Variants in NKIRAS1 observed in about 807,000 individuals in gnomAD.
NKIRAS1 encodes the protein NFKB inhibitor interacting Ras like 1.
A neutral mutation model predicts 19.8 loss-of-function variants in NKIRAS1; 16 were observed. The observed-to-expected ratio is 0.81, with a 90% CI of 0.55 to 1.23. The LOEUF is 1.23. Ranked by LOEUF, NKIRAS1 falls within the 50% of genes most tolerant of loss-of-function variation. NKIRAS1 has a pLI of 0.00. For missense variants in NKIRAS1, 184 were observed against 220.0 expected (o/e 0.84, Z 1.04); for synonymous variants, 88 against 79.0 (o/e 1.11, Z -0.61).
At chr3:23,929,520 C>T (rs562843862) in intron 1 of NKIRAS1, among the ~76,000 whole-genome samples, 20 of 152,206 alleles carry the variant, frequency 1.3e-4, no homozygotes, top group African/African-American at 2.2e-4. Flanking sequence ...TCTGCGTCTC[C>T]GGCTCAAGCG....
upstream of NKIRAS1, chr3:23,918,913 C>A: frequency 1.9e-6 from 1 of 521,554 alleles, no homozygotes; most frequent in Non-Finnish European, 3.4e-6. Context: ...AGATAAGGTC[C>A]CCAAACCCTA....
chr3:23,940,167 C>CA (rs1559517464), intron 1 of NKIRAS1, among the ~76,000 whole-genome samples: 436 of 28,648 alleles, frequency 0.015, 23 homozygotes, highest in African/African-American at 0.029. Flanking sequence ...CCCATCTCTA[C>CA]CAAAAAAAAA....
intron 3 of NKIRAS1, among the ~76,000 whole-genome samples, chr3:23,906,032 G>A (rs957294591): frequency 6.6e-6 from 1 of 151,914 alleles, no homozygotes; most frequent in African/African-American, 2.4e-5. Context: ...GATGGCGCAT[G>A]ACCGTAATCC....
chr3:23,935,037 A>G (rs1376044732), intron 1 of NKIRAS1, among the ~76,000 whole-genome samples: 4 of 152,156 alleles, frequency 2.6e-5, no homozygotes, highest in African/African-American at 9.7e-5. Flanking sequence ...AGGTGATCTT[A>G]AAGCTTTCTC....
At chr3:23,930,228 C>T (rs114079175) in intron 1 of NKIRAS1, among the ~76,000 whole-genome samples, 6,294 of 152,098 alleles carry the variant, frequency 0.041, 152 homozygotes, top group Non-Finnish European at 0.055. Flanking sequence ...TGGCTGAGTG[C>T]GTGAGAGGCT....
chr3:23,918,769 G>A (rs1704872018), upstream of NKIRAS1: 1 of 671,070 alleles, frequency 1.5e-6, no homozygotes, highest in South Asian at 2.1e-5. Flanking sequence ...TGTATATACT[G>A]GAAGTACTTG....
chr3:23,894,226 G>C (rs577177451), intron 4 of NKIRAS1, among the ~76,000 whole-genome samples: 1 of 152,168 alleles, frequency 6.6e-6, no homozygotes, highest in African/African-American at 2.4e-5. Context: ...CCCCAAACCA[G>C]ATTTTCAGAT....
At chr3:23,899,986 A>G (rs2125374645) in intron 4 of NKIRAS1, among the ~76,000 whole-genome samples, 1 of 152,004 alleles carries the variant, frequency 6.6e-6, no homozygotes, top group East Asian at 1.9e-4. Context: ...ACACGGTGAA[A>G]CCCTGTTTCT....
chr3:23,913,064 A>AG (rs397961701), intron 1 of NKIRAS1, among the ~76,000 whole-genome samples: 2 of 150,762 alleles, frequency 1.3e-5, no homozygotes, highest in Non-Finnish European at 3.0e-5. Context: ...AAAAAAAAAA[A>AG]GTAATACACT....
intron 1 of NKIRAS1, among the ~76,000 whole-genome samples, chr3:23,939,063 A>G (rs1216365356): frequency 6.6e-6 from 1 of 152,240 alleles, no homozygotes; most frequent in Non-Finnish European, 1.5e-5. Flanking sequence ...TTCATCATAG[A>G]TAACAAAATA....
chr3:23,905,451 A>T (rs1702927210), intron 3 of NKIRAS1, among the ~76,000 whole-genome samples: 1 of 152,220 alleles, frequency 6.6e-6, no homozygotes, highest in Admixed American at 6.5e-5. Flanking sequence ...TTTGACCTAG[A>T]GTTCCATACC....
intron 1 of NKIRAS1, chr3:23,946,284 C>T: frequency 5.1e-6 from 5 of 985,522 alleles, no homozygotes; most frequent in Non-Finnish European, 6.0e-6. Flanking sequence ...CCGCGCAAAC[C>T]AAACGAACCG....
At chr3:23,939,771 CAAAA>C (rs1273862964) in intron 1 of NKIRAS1, among the ~76,000 whole-genome samples, 3 of 151,670 alleles carry the variant, frequency 2.0e-5, no homozygotes, top group South Asian at 4.2e-4. Flanking sequence ...AAACAAAAAA[CAAAA>C]AAGGGAAACT....
At chr3:23,936,502 G>A (rs1322318105) in intron 1 of NKIRAS1, among the ~76,000 whole-genome samples, 1 of 152,096 alleles carries the variant, frequency 6.6e-6, no homozygotes, top group Non-Finnish European at 1.5e-5. Flanking sequence ...TGCCCTTAGA[G>A]TTTCTGATTC....
At chr3:23,936,072 G>A (rs995075867) in intron 1 of NKIRAS1, among the ~76,000 whole-genome samples, 9 of 99,400 alleles carry the variant, frequency 9.1e-5, no homozygotes, top group Non-Finnish European at 1.7e-4. Flanking sequence ...GACAGAAAGG[G>A]ACCCTGTCTC....
At chr3:23,929,498 C>T (rs1705269598) in intron 1 of NKIRAS1, among the ~76,000 whole-genome samples, 1 of 152,202 alleles carries the variant, frequency 6.6e-6, no homozygotes, top group Non-Finnish European at 1.5e-5. Context: ...GTGATCTTAG[C>T]TCACTGCAAC....
Position 23,890,225 on chromosome 3 carries a change from AAGAGT to A in NKIRAS1, c.*2865_*2869del, listed in dbSNP as rs1701353737. On this transcript the variant is annotated 3_prime_UTR_variant, in exon 5 of 5. Coordinates refer to ENST00000425478, the MANE Select transcript of NKIRAS1 (RefSeq NM_020345.4). Reference sequence around the variant, plus strand: ...CTCTACTGAACTCAGCCTAACACATAAGAGTAAAGAAACTCCAATTGAGTGTTGTT... The same window carrying A: ...CTCTACTGAACTCAGCCTAACACATAAAAGAAACTCCAATTGAGTGTTGTT... 6.6e-6 allele frequency among the ~76,000 whole-genome samples: 1 copy of A among 152,182 alleles called. No homozygotes were observed. The highest frequency in any genetic ancestry group is 1.5e-5 in the Non-Finnish European group (1 of 68,030).
In NKIRAS1 at chr3:23,889,972, A is replaced by C. The variant is rs72627061; in HGVS notation, c.*3123T>G. ...TATATTTTCTAGGTAAACCAAATAT[A>C]AATTTATTAAAGATCCTAAGATTCA... On this transcript the variant is annotated 3_prime_UTR_variant, in exon 5 of 5. Coordinates refer to ENST00000425478, the MANE Select transcript of NKIRAS1 (RefSeq NM_020345.4). The C allele has an allele frequency of 3.5e-3, 547 of 155,736 alleles. 15 individuals carry two copies. In the East Asian group the frequency reaches 0.049, roughly 14 times the overall value. 9.6% of individuals were successfully genotyped at this position (155,736 alleles called of 1,614,324 possible).
chr3:23,919,103 G>A (rs1704918956), upstream of NKIRAS1: 1 of 814,966 alleles, frequency 1.2e-6, no homozygotes, highest in Non-Finnish European at 2.1e-6. Context: ...ACTCTTGTCT[G>A]GTGGTGAACT....
Sources: gnomAD v4.1 joint callset for allele counts (sites outside exome capture counted in the v4.1 genomes callset) on GRCh38, gnomAD v4.1.1 for gene constraint, MANE v1.5 for transcripts, NCBI Gene and HGNC (gene_info 2026-07-23, HGNC 2026-07-21) for gene names.